CACNA2D1: variants seen among roughly 807,000 people sequenced by gnomAD.
CACNA2D1 encodes the protein voltage-dependent calcium channel subunit alpha-2/delta-1.
CACNA2D1 carries 53 observed loss-of-function variants against 171.5 expected under a neutral mutation model. That is an observed-to-expected ratio of 0.31 (90% CI 0.25 to 0.39). The LOEUF is 0.39. CACNA2D1 is among the 10% of genes least tolerant of loss of function. The pLI is 1.00. For synonymous variants in CACNA2D1, 442 were observed against 443.1 expected (o/e 1.00, Z 0.03); for missense variants, 903 against 1,299.8 (o/e 0.69, Z 4.69).
intron 31 of CACNA2D1, among the ~76,000 whole-genome samples, chr7:81,966,207 C>T (rs1239620878): frequency 9.3e-6 from 1 of 107,614 alleles, no homozygotes; most frequent in Non-Finnish European, 2.0e-5. Context: ...ATGGTTAATA[C>T]TTACTTCACC....
chr7:82,257,027 C>T (rs1806388860), intron 3 of CACNA2D1, among the ~76,000 whole-genome samples: 1 of 152,128 alleles, frequency 6.6e-6, no homozygotes, highest in African/African-American at 2.4e-5. Flanking sequence ...CAAAACTAAC[C>T]TGAATTATTA....
intron 3 of CACNA2D1, among the ~76,000 whole-genome samples, chr7:82,187,431 G>A (rs1218806266): frequency 6.6e-6 from 1 of 152,018 alleles, no homozygotes; most frequent in Non-Finnish European, 1.5e-5. Flanking sequence ...GTTAACAACA[G>A]AAATAAGGAC....
intron 2 of CACNA2D1, chr7:82,342,995 T>C (rs1236587438): frequency 6.6e-6 from 1 of 152,180 alleles, no homozygotes; most frequent in Non-Finnish European, 1.5e-5. Context: ...ATTATAAATT[T>C]GTTTACTACA....
intron 1 of CACNA2D1, among the ~76,000 whole-genome samples, chr7:82,435,895 A>C (rs1254212301): frequency 6.6e-6 from 1 of 152,180 alleles, no homozygotes; most frequent in Non-Finnish European, 1.5e-5. Context: ...TTATAACCAG[A>C]CTTAAGCCAA....
chr7:82,058,478 C>T (rs1377103925), intron 10 of CACNA2D1, among the ~76,000 whole-genome samples: 1 of 152,042 alleles, frequency 6.6e-6, no homozygotes, highest in Non-Finnish European at 1.5e-5. Context: ...TGTTTATATA[C>T]AAATAAAGCC....
rs1207440298 is a variant in CACNA2D1, at chr7:82,111,444, A to ATATATATATTTT, written c.526+5599_526+5600insAAAATATATATA. Among the ~76,000 whole-genome samples, 16 of 69,954 alleles carry ATATATATATTTT rather than the reference A, an allele frequency of 2.3e-4. 1 individual carries two copies. The highest frequency in any genetic ancestry group is 9.5e-4 in the African/African-American group (14 of 14,740). 45.9% of individuals were successfully genotyped at this position (69,954 alleles called of 152,430 possible). A position where few individuals can be genotyped will look rare whatever the true frequency, so the allele number is the denominator to read the frequency against. ...TATATGTGTGTATATATATATATAT[A>ATATATATATTTT]TTTTTTTTTTTTTTTTTTTTTGAGA... On this transcript the variant is annotated intron_variant, in intron 6 of 38. Coordinates refer to ENST00000356860, the MANE Select transcript of CACNA2D1 (RefSeq NM_000722.4).
At chr7:82,441,912 C>T (rs899047309) in intron 1 of CACNA2D1, among the ~76,000 whole-genome samples, 10 of 152,280 alleles carry the variant, frequency 6.6e-5, no homozygotes, top group Non-Finnish European at 1.3e-4. Context: ...GTAAATAATT[C>T]TGAAGCATCC....
chr7:82,155,829 G>A (rs1389826515), intron 4 of CACNA2D1, among the ~76,000 whole-genome samples: 1 of 152,192 alleles, frequency 6.6e-6, no homozygotes, highest in Non-Finnish European at 1.5e-5. Context: ...TAATTACTGT[G>A]TATTTTGCAA....
At chr7:82,301,952 G>T (rs894977932) in intron 3 of CACNA2D1, among the ~76,000 whole-genome samples, 1 of 151,972 alleles carries the variant, frequency 6.6e-6, no homozygotes, top group East Asian at 1.9e-4. Context: ...TAGAGATGGG[G>T]TTTCACCATG....
At chr7:82,330,645 A>C (rs1817199228) in intron 3 of CACNA2D1, among the ~76,000 whole-genome samples, 1 of 152,282 alleles carries the variant, frequency 6.6e-6, no homozygotes, top group African/African-American at 2.4e-5. Context: ...TCACTAAATC[A>C]TTCTTTTGAA....
intron 3 of CACNA2D1, among the ~76,000 whole-genome samples, chr7:82,180,888 T>C (rs1363532706): frequency 6.6e-6 from 1 of 151,728 alleles, no homozygotes. Flanking sequence ...GGAGGATCTC[T>C]GGGACTATGC....
intron 3 of CACNA2D1, among the ~76,000 whole-genome samples, chr7:82,199,272 T>A (rs1042682444): frequency 2.6e-5 from 4 of 152,110 alleles, no homozygotes; most frequent in African/African-American, 9.7e-5. Context: ...ATATTTGTTG[T>A]GTTACAAAGG....
At chr7:82,003,158 T>C (rs1180993040) in intron 18 of CACNA2D1, among the ~76,000 whole-genome samples, 2 of 152,138 alleles carry the variant, frequency 1.3e-5, no homozygotes, top group Middle Eastern at 3.2e-3. Context: ...GAAATCATAA[T>C]ATTTACTGAA....
intron 4 of CACNA2D1, among the ~76,000 whole-genome samples, chr7:82,163,074 T>G (rs38537): frequency 0.13 from 19,970 of 152,010 alleles, 1,631 homozygotes; most frequent in African/African-American, 0.24. Context: ...TATTCCAGCA[T>G]CTGATGTTAT....
intron 10 of CACNA2D1, among the ~76,000 whole-genome samples, chr7:82,057,350 T>C (rs1455609045): frequency 6.6e-6 from 1 of 152,026 alleles, no homozygotes; most frequent in East Asian, 1.9e-4. Context: ...CCTCTTACTA[T>C]AATTAAAAGT....
chr7:82,126,994 ATAC>A (rs1790400635), intron 5 of CACNA2D1, among the ~76,000 whole-genome samples: 2 of 152,232 alleles, frequency 1.3e-5, no homozygotes, highest in South Asian at 4.1e-4. Flanking sequence ...GAAGAATATA[ATAC>A]GCCTGAGTTC....
chr7:82,060,169 T>TATATATAATATATATATA (rs1325510094), intron 10 of CACNA2D1, among the ~76,000 whole-genome samples: 2 of 23,980 alleles, frequency 8.3e-5, no homozygotes, highest in African/African-American at 2.1e-4. Context: ...ATATATAATA[T>TATATATAATATATATATA]ATATATATAA....
chr7:82,005,271 T>C (rs982295069), intron 18 of CACNA2D1, 152 bp downstream of exon 18: 9 of 651,482 alleles, frequency 1.4e-5, no homozygotes, highest in South Asian at 5.5e-5. Context: ...TAGTATCATG[T>C]GTGGTCCTTG....
intron 24 of CACNA2D1, among the ~76,000 whole-genome samples, 170 bp downstream of exon 24, chr7:81,982,397 G>A (rs748365966): frequency 1.3e-5 from 2 of 152,152 alleles, no homozygotes; most frequent in Non-Finnish European, 2.9e-5. Context: ...GTATTTGAAT[G>A]AGTAAAGAAA....
Sources: allele counts gnomAD v4.1 joint callset (sites outside exome capture counted in the v4.1 genomes callset), GRCh38; gene constraint gnomAD v4.1.1; transcripts MANE v1.5; gene names NCBI Gene and HGNC (gene_info 2026-07-23, HGNC 2026-07-21).